CTU2: variants seen among roughly 807,000 people sequenced by gnomAD.
CTU2 encodes cytoplasmic tRNA 2-thiolation protein 2.
Under a neutral mutation model 64.1 loss-of-function variants are expected in CTU2, and 80 were observed. That is an observed-to-expected ratio of 1.25 (90% CI 1.04 to 1.50). The LOEUF is 1.50. Ranked by LOEUF, CTU2 falls within the 40% of genes most tolerant of loss-of-function variation. The pLI is 0.00. For missense variants in CTU2, 1,110 were observed against 690.2 expected (o/e 1.61, Z -6.81); for synonymous variants, 482 against 285.3 (o/e 1.69, Z -6.95).
chr16:88,711,882 C>T (rs1911349768), intron 5 of CTU2, among the ~76,000 whole-genome samples, 187 bp downstream of exon 5: 2 of 152,206 alleles, frequency 1.3e-5, no homozygotes. Flanking sequence ...CAGATGTATC[C>T]ATCGTTAGGT....
chr16:88,710,222 G>T lies in CTU2; in HGVS notation c.223-1G>T. 6.2e-7 allele frequency: 1 copy of T among 1,614,058 alleles called. No individual in the cohort carries two copies. The highest frequency in any genetic ancestry group is 8.5e-7 in the Non-Finnish European group (1 of 1,179,976). ...CCTGAGTGATGTTTTTTCTCCCCCA[G>T]GTGCTCTTGGCGTGGTCTGGGGGGC... On this transcript the variant is annotated splice_acceptor_variant, in intron 3 of 14. Transcript: ENST00000453996. LOFTEE classifies it high-confidence loss of function.
rs923897864 is a variant in CTU2, at chr16:88,714,917, G to A, written c.1410G>A (p.Met470Ile). The A allele has an allele frequency of 1.9e-6, 3 of 1,612,544 alleles. No homozygotes were observed. The highest frequency in any genetic ancestry group is 2.5e-6 in the Non-Finnish European group (3 of 1,179,894). ...TGTGCTACAGCTGCCGCGTGAACAT[G>A]AAGGACTTGGTGAGTACGTGCCCAC... Reference protein sequence around the residue: ...EQLCYSCRVNMKDLPSLDPLP... With the variant: ...EQLCYSCRVNIKDLPSLDPLP... Residue 470 changes from methionine to isoleucine, a missense_variant, in exon 13 of 15, where the codon ATG becomes ATA. Physicochemically the swap from Met to Ile is conservative, Grantham distance 10 (BLOSUM62 1). Transcript: ENST00000453996.
intron 4 of CTU2, 193 bp downstream of exon 4, chr16:88,710,475 T>TGC (rs1911229596): frequency 3.4e-6 from 2 of 594,328 alleles, no homozygotes; most frequent in East Asian, 2.8e-5. Context: ...AGTGTGTGTG[T>TGC]GCGGCCCACT....
intron 2 of CTU2, among the ~76,000 whole-genome samples, chr16:88,707,611 G>C (rs1238648071): frequency 6.6e-6 from 1 of 152,180 alleles, no homozygotes; most frequent in Non-Finnish European, 1.5e-5. Flanking sequence ...TGAGATGCTT[G>C]TTTCATCTGT....
intron 2 of CTU2, among the ~76,000 whole-genome samples, chr16:88,708,068 C>T (rs1911035907): frequency 6.6e-6 from 1 of 152,208 alleles, no homozygotes; most frequent in East Asian, 1.9e-4. Flanking sequence ...CCTGCCTCGG[C>T]CTCCCAAAGT....
chr16:88,710,340 C>T (rs1351885319), intron 4 of CTU2, 58 bp downstream of exon 4: 1 of 1,578,896 alleles, frequency 6.3e-7, no homozygotes, highest in Non-Finnish European at 8.7e-7. Flanking sequence ...GGCTGGGGGC[C>T]TCCCTTCTCA....
Position 88,715,222 on chromosome 16 carries a change from G to A in CTU2, c.1519G>A (p.Asp507Asn), listed in dbSNP as rs1911878030. 1 of 1,612,316 alleles carries A rather than the reference G, an allele frequency of 6.2e-7. No homozygotes were observed. The highest frequency in any genetic ancestry group is 1.1e-5 in the South Asian group (1 of 91,088). ...LQEIRDCLIEDSDDEAGQS is the reference protein window; with the variant it reads ...LQEIRDCLIENSDDEAGQS Reference sequence around the variant, plus strand: ...GGAGATCCGGGACTGTCTGATTGAGGACAGTGACGACGAGGCGGGCCAGAG... The same window carrying A: ...GGAGATCCGGGACTGTCTGATTGAGAACAGTGACGACGAGGCGGGCCAGAG... The change falls in exon 15 of 15, where the codon GAC (aspartate) becomes AAC (asparagine). Residue 507 changes from aspartate to asparagine, a missense_variant. Coordinates refer to ENST00000453996, the MANE Select transcript of CTU2 (RefSeq NM_001012759.3).
rs748203677 is a variant in CTU2 at position 88,711,616 on chromosome 16, C to A, written c.283-19C>A. The A allele has an allele frequency of 3.3e-5, 53 of 1,586,750 alleles. No homozygotes were observed. The East Asian group carries it at 1.1e-3, about 34-fold the overall frequency. On this transcript the variant is annotated intron_variant, in intron 4 of 14. Transcript: ENST00000453996. ...TGGCTTATGGCTGGGGGCTGAGTCCCTGCTGCTTCTCCCTCTAGGGCCTGA... is the reference window on the plus strand; with the variant it reads ...TGGCTTATGGCTGGGGGCTGAGTCCATGCTGCTTCTCCCTCTAGGGCCTGA...
At chr16:88,708,804 C>T (rs1911102298) in intron 2 of CTU2, among the ~76,000 whole-genome samples, 2 of 152,098 alleles carry the variant, frequency 1.3e-5, no homozygotes, top group African/African-American at 2.4e-5. Flanking sequence ...CCGCTCTGTA[C>T]CGGGTGCTGC....
chr16:88,715,007 T>TCC, intron 13 of CTU2, 41 bp from the exon 14 acceptor site: 1 of 1,591,586 alleles, frequency 6.3e-7, no homozygotes, highest in South Asian at 1.1e-5. Context: ...GAGGGGGTGC[T>TCC]GGCAGGTTTC....
intron 1 of CTU2, 48 bp downstream of exon 1, chr16:88,706,646 C>T (rs886131943): frequency 3.1e-6 from 4 of 1,304,708 alleles, no homozygotes; most frequent in South Asian, 1.7e-5. Flanking sequence ...GCCTTCCCGC[C>T]GCACTCCTGC....
At chr16:88,707,882 C>T (rs910427941) in intron 2 of CTU2, among the ~76,000 whole-genome samples, 5 of 152,056 alleles carry the variant, frequency 3.3e-5, no homozygotes, top group African/African-American at 1.2e-4. Flanking sequence ...ATGATCCCAG[C>T]TCACTGCAAC....
chr16:88,707,867 A>C lies in CTU2; in HGVS notation c.143+657A>C, dbSNP rs376010638. On this transcript the variant is annotated intron_variant, in intron 2 of 14. Transcript: ENST00000453996. ...ACCCAGGCTGGAGTGCAACAGCTGG[A>C]GTGCATGATCCCAGCTCACTGCAAC... Among the ~76,000 whole-genome samples, 56 of 151,696 alleles carry C rather than the reference A, an allele frequency of 3.7e-4. 2 individuals carry two copies. The East Asian group carries it at 0.01, about 28-fold the overall frequency.
Position 88,715,115 on chromosome 16 carries a change from G to A in CTU2, c.1478+9G>A. 6.3e-7 allele frequency: 1 copy of A among 1,595,198 alleles called. No homozygotes were observed. Reference sequence around the variant, plus strand: ...CAGCTCCGCACACAGAGGTACTGGGGCCCACACTGCCGTGGCGCGTGGGTA... The same window carrying A: ...CAGCTCCGCACACAGAGGTACTGGGACCCACACTGCCGTGGCGCGTGGGTA... On this transcript the variant is annotated intron_variant, in intron 14 of 14. Transcript: ENST00000453996.
Position 88,712,791 on chromosome 16 carries a change from T to C in CTU2, c.623T>C (p.Leu208Pro). 1.9e-6 allele frequency: 3 copies of C among 1,608,224 alleles called. No homozygotes were observed. The highest frequency in any genetic ancestry group is 1.1e-5 in the South Asian group (1 of 90,680). Residue 208 changes from leucine to proline, a missense_variant, in exon 7 of 15, where the codon CTG (leucine) becomes CCG (proline). Coordinates refer to ENST00000453996, the MANE Select transcript of CTU2 (RefSeq NM_001012759.3). ...QGEEQPPQPP[L>P]DPQNLARPPA... ...GAGGAACAGCCACCCCAGCCCCCGC[T>C]GGACCCCCAGAACCTGGCAAGACCG...
chr16:88,706,627 C>T, intron 1 of CTU2, 29 bp downstream of exon 1: 4 of 1,365,142 alleles, frequency 2.9e-6, no homozygotes, highest in Non-Finnish European at 3.8e-6. Flanking sequence ...ACCCGCCAGG[C>T]CGCCCCTCGC....
At position 88,714,232 on chromosome 16, in the gene CTU2, G is replaced by GTGTA; in HGVS notation, c.1097+5_1097+6insTGTA. ...CACTGTCAGCACTGTGTACAGGTGT[G>GTGTA]GGTGTGTGTGGGTGTGTGCGGGGGG... On this transcript the variant is annotated splice_donor_region_variant and intron_variant, in intron 10 of 14. Coordinates refer to ENST00000453996, the MANE Select transcript of CTU2 (RefSeq NM_001012759.3). 3.2e-5 allele frequency: 3 copies of GTGTA among 94,402 alleles called. No homozygotes were observed. Among genetic ancestry groups the GTGTA allele is most frequent in the Non-Finnish European group, 4.1e-5 (3 of 73,636 alleles). The allele number at this position is 94,402 out of a possible 1,614,324, so 5.8% of individuals were successfully genotyped here.
In CTU2 at chr16:88,714,527, C is replaced by T. The variant is rs764771740; in HGVS notation, c.1201+41C>T. On this transcript the variant is annotated intron_variant, in intron 11 of 14. Transcript: ENST00000453996. ...TCTTGGGGTGATGCGGGGAGGGAGC[C>T]AGGGAGTGGGTGTGGGGGCTCAGCA... 20 of 1,612,338 alleles carry T rather than the reference C, an allele frequency of 1.2e-5. No individual in the cohort carries two copies. The South Asian group carries it at 2.0e-4, about 16-fold the overall frequency.
chr16:88,707,720 A>C (rs1910991957), intron 2 of CTU2, among the ~76,000 whole-genome samples: 1 of 151,654 alleles, frequency 6.6e-6, no homozygotes, highest in African/African-American at 2.4e-5. Context: ...TTTCCACTAG[A>C]CTCATAGCTC....
Sources: gnomAD v4.1 joint callset for allele counts (sites outside exome capture counted in the v4.1 genomes callset) on GRCh38, gnomAD v4.1.1 for gene constraint, MANE v1.5 for transcripts, NCBI Gene and HGNC (gene_info 2026-07-23, HGNC 2026-07-21) for gene names.